PIGU: variants seen among roughly 807,000 people sequenced by gnomAD.
The protein encoded by PIGU is GPI-anchor transamidase component PIGU.
A neutral mutation model predicts 49.9 loss-of-function variants in PIGU; 24 were observed. That is an observed-to-expected ratio of 0.48 (90% confidence interval 0.35 to 0.68). The LOEUF (loss-of-function observed/expected upper bound fraction) is 0.68. Ranked by LOEUF, PIGU falls within the 30% of genes least tolerant of loss-of-function variation. The pLI is 0.01. For missense variants in PIGU, 490 were observed against 532.6 expected (o/e 0.92, Z 0.79); for synonymous variants, 220 against 205.7 (o/e 1.07, Z -0.59).
chr20:34,676,569 G>A (rs1358936473), intron 1 of PIGU, among the ~76,000 whole-genome samples: 1 of 152,074 alleles, frequency 6.6e-6, no homozygotes, highest in Admixed American at 6.6e-5. Flanking sequence ...TTTATCCCAG[G>A]GAGCACCCCT....
intron 6 of PIGU, among the ~76,000 whole-genome samples, chr20:34,624,159 C>A (rs549854851): frequency 1.3e-5 from 2 of 150,392 alleles, no homozygotes; most frequent in East Asian, 3.9e-4. Flanking sequence ...TCACTACACT[C>A]AAACTCCTGG....
intron 2 of PIGU, among the ~76,000 whole-genome samples, chr20:34,649,990 A>C (rs1243212251): frequency 6.6e-6 from 1 of 151,488 alleles, no homozygotes; most frequent in Non-Finnish European, 1.5e-5. Flanking sequence ...CAGGGACTAC[A>C]GGCGCCCGCC....
chr20:34,565,918 C>T (rs569984533), intron 11 of PIGU, among the ~76,000 whole-genome samples: 17 of 151,920 alleles, frequency 1.1e-4, no homozygotes, highest in African/African-American at 2.9e-4. Flanking sequence ...CACACATGCT[C>T]GCACTGCTCA....
intron 6 of PIGU, among the ~76,000 whole-genome samples, chr20:34,632,672 A>C (rs1844634421): frequency 1.3e-5 from 2 of 152,006 alleles, no homozygotes; most frequent in African/African-American, 2.4e-5. Flanking sequence ...GCCTTCATAC[A>C]CCCTTTCTTA....
Position 34,646,657 on chromosome 20 carries a change from G to T in PIGU, c.196-1323C>A, listed in dbSNP as rs114833141. Among the ~76,000 whole-genome samples, 390 of 152,148 alleles carry T rather than the reference G, an allele frequency of 2.6e-3. 3 individuals are homozygous for T. Among genetic ancestry groups the T allele is most frequent in the African/African-American group, 9.1e-3 (377 of 41,512 alleles). ...CTCCTAACCTCAAGTGATCCACCTG[G>T]CTCAGACTCCCGAACTGCTGGCATT... On this transcript the variant is annotated intron_variant, in intron 2 of 11. Coordinates refer to ENST00000217446, the MANE Select transcript of PIGU (RefSeq NM_080476.5).
chr20:34,612,157 C>T (rs941893856), intron 7 of PIGU, among the ~76,000 whole-genome samples: 5 of 152,140 alleles, frequency 3.3e-5, no homozygotes, highest in Non-Finnish European at 5.9e-5. Flanking sequence ...CATATATACA[C>T]CATGGAATAC....
chr20:34,634,411 G>A (rs1021753935), intron 6 of PIGU, among the ~76,000 whole-genome samples: 3 of 152,076 alleles, frequency 2.0e-5, no homozygotes, highest in Non-Finnish European at 4.4e-5. Flanking sequence ...GTCACTGTCT[G>A]AGAAGTTAAG....
intron 10 of PIGU, among the ~76,000 whole-genome samples, chr20:34,579,808 C>T (rs1041972688): frequency 5.9e-5 from 9 of 152,204 alleles, no homozygotes; most frequent in Non-Finnish European, 2.9e-5. Flanking sequence ...ATAGTTTATT[C>T]GTCTTGAAAA....
rs754203889 is a variant in PIGU, at chr20:34,676,968, A to C, written c.118T>G (p.Ser40Ala). Residue 40 changes from serine to alanine, a missense_variant, in exon 1 of 12, where the codon TCT becomes GCT. By Grantham distance (99) the Ser-to-Ala change is moderately conservative. Coordinates refer to ENST00000217446, the MANE Select transcript of PIGU (RefSeq NM_080476.5). ...CCAGTGGCCTCACCTCTCTTCCAAGAGCTCAGTGGGGACACCACCTCCACC... is the reference window on the plus strand; with the variant it reads ...CCAGTGGCCTCACCTCTCTTCCAAGCGCTCAGTGGGGACACCACCTCCACC... Reference protein sequence around the residue: ...ERVEVVSPLSSWKRVVEGLSL... With the variant: ...ERVEVVSPLSAWKRVVEGLSL... 4 of 1,575,420 alleles carry C rather than the reference A, an allele frequency of 2.5e-6. No homozygotes were observed. In the Admixed American group the frequency reaches 7.5e-5, roughly 30 times the overall value.
chr20:34,611,446 A>C (rs935168501), intron 7 of PIGU, among the ~76,000 whole-genome samples: 4 of 152,030 alleles, frequency 2.6e-5, no homozygotes, highest in Admixed American at 6.6e-5. Flanking sequence ...GGAGATTGAG[A>C]CCATCCTGGC....
At position 34,570,382 on chromosome 20, in the gene PIGU, A is replaced by G. The variant is rs11699210; in HGVS notation, c.1194+4722T>C. On this transcript the variant is annotated intron_variant, in intron 11 of 11. Transcript: ENST00000217446. ...TAGGGATCACGTGGGGCCAGCCCCT[A>G]GTAAGCTCTCCTGAAACATGAGCCA... Among the ~76,000 whole-genome samples the G allele has an allele frequency of 5.4e-3, 822 of 152,190 alleles. 1 individual carries two copies. The highest frequency in any genetic ancestry group is 9.3e-3 in the Non-Finnish European group (631 of 68,010).
At chr20:34,655,968 C>CTTTTTTTT (rs759103027) in intron 2 of PIGU, among the ~76,000 whole-genome samples, 4 of 76,776 alleles carry the variant, frequency 5.2e-5, no homozygotes, top group Non-Finnish European at 7.5e-5. Context: ...TTTCACTATT[C>CTTTTTTTT]TTTTTTTTTT....
intron 11 of PIGU, among the ~76,000 whole-genome samples, chr20:34,561,256 G>A (rs1232276921): frequency 6.6e-6 from 1 of 152,096 alleles, no homozygotes; most frequent in Non-Finnish European, 1.5e-5. Context: ...TGGTGCCTGT[G>A]CAACCAGAGG....
chr20:34,668,483 A>AG (rs1260284257), intron 1 of PIGU, among the ~76,000 whole-genome samples: 3,171 of 88,318 alleles, frequency 0.036, 128 homozygotes, highest in Admixed American at 0.049. Flanking sequence ...AAAAAAAAAA[A>AG]GGGGGGGGCG....
At chr20:34,634,569 G>T in intron 6 of PIGU, 46 bp downstream of exon 6, 1 of 1,552,008 alleles carries the variant, frequency 6.4e-7, no homozygotes, top group Non-Finnish European at 8.7e-7. Context: ...GCAAAATCTT[G>T]CATAAATCAG....
At chr20:34,675,558 T>C (rs1987472646) in intron 1 of PIGU, among the ~76,000 whole-genome samples, 1 of 152,206 alleles carries the variant, frequency 6.6e-6, no homozygotes, top group Admixed American at 6.5e-5. Context: ...AGTTCCCTCA[T>C]CTGTAAAAGG....
intron 11 of PIGU, 134 bp downstream of exon 11, chr20:34,574,970 C>G: frequency 8.4e-7 from 1 of 1,195,388 alleles, no homozygotes; most frequent in Non-Finnish European, 1.2e-6. Flanking sequence ...TGACTGGGAG[C>G]TACTTGAGGG....
chr20:34,629,657 G>A (rs117691091), intron 6 of PIGU, among the ~76,000 whole-genome samples: 4,562 of 152,256 alleles, frequency 0.03, 101 homozygotes, highest in Non-Finnish European at 0.047. Flanking sequence ...ACTGAATTCT[G>A]GAATGGTTTA....
At chr20:34,570,709 A>G (rs1205138040) in intron 11 of PIGU, among the ~76,000 whole-genome samples, 2 of 152,310 alleles carry the variant, frequency 1.3e-5, no homozygotes, top group East Asian at 3.9e-4. Context: ...ATAAGCCACT[A>G]TTAATTTTAA....
Sources: allele counts gnomAD v4.1 joint callset (sites outside exome capture counted in the v4.1 genomes callset), GRCh38; gene constraint gnomAD v4.1.1; transcripts MANE v1.5; gene names NCBI Gene and HGNC (gene_info 2026-07-23, HGNC 2026-07-21).